EPN1: variants seen among roughly 807,000 people sequenced by gnomAD.
The protein encoded by EPN1 is epsin-1.
Under a neutral mutation model 56.9 loss-of-function variants are expected in EPN1, and 25 were observed. The observed-to-expected ratio is 0.44, with a 90% CI of 0.32 to 0.61. The LOEUF (loss-of-function observed/expected upper bound fraction) is 0.61, where lower values mean the gene tolerates loss of function less well. Ranked by LOEUF, EPN1 falls within the 20% of genes least tolerant of loss-of-function variation. EPN1 has a pLI of 0.05. For missense variants in EPN1, 785 were observed against 823.7 expected (o/e 0.95, Z 0.58); for synonymous variants, 411 against 361.8 (o/e 1.14, Z -1.54).
chr19:55,691,685 C>T lies in EPN1; in HGVS notation c.763-69C>T. On this transcript the variant is annotated intron_variant, in intron 6 of 10. Transcript: ENST00000270460. This position sits in a 1 kb window ranked among gnomAD's most constrained non-coding sequence, Gnocchi z 5.6. ...CCTGGCCGCCTCCCCCGCCACGGGC[C>T]CCAGCTTGGTCCCTGTCCCAGGCTT... 1 of 1,473,460 alleles carries T rather than the reference C, an allele frequency of 6.8e-7. No individual in the cohort carries two copies. 91.3% of individuals were successfully genotyped at this position (1,473,460 alleles called of 1,614,324 possible).
chr19:55,677,403 C>A (rs1045032663), intron 1 of EPN1: 14 of 653,262 alleles, frequency 2.1e-5, no homozygotes, highest in Non-Finnish European at 3.5e-5. Context: ...TTGCTTGACT[C>A]TCTTGTTTCT....
In EPN1 at chr19:55,707,435, G is replaced by A. The variant is rs1307529194; in HGVS notation, c.*12079G>A. ...GTCAGGGGTATGTTCTCCATGTTGAGCCCCTTCTGTGGAATATGACAGTGT... is the reference window on the plus strand; with the variant it reads ...GTCAGGGGTATGTTCTCCATGTTGAACCCCTTCTGTGGAATATGACAGTGT... On this transcript the variant is annotated 3_prime_UTR_variant, in exon 11 of 11. Coordinates refer to ENST00000270460, the MANE Select transcript of EPN1 (RefSeq NM_001130072.2). The A allele has an allele frequency of 6.6e-6, 1 of 152,438 alleles. No individual in the cohort carries two copies. Among genetic ancestry groups the A allele is most frequent in the East Asian group, 1.9e-4 (1 of 5,196 alleles). 9.4% of individuals were successfully genotyped at this position (152,438 alleles called of 1,614,324 possible).
In EPN1 at chr19:55,689,068, G is replaced by C; in HGVS notation, c.603+74G>C. ...CTCACTTCAGGCTCCCTCCCAGCCA[G>C]GCGTGGGCCTGGCCCTCACTGTCGC... is the stretch of plus-strand genomic sequence containing the variant. On this transcript the variant is annotated intron_variant, in intron 4 of 10. Coordinates refer to ENST00000270460, the MANE Select transcript of EPN1 (RefSeq NM_001130072.2). The surrounding 1 kb of genome is among the most constrained non-coding windows in gnomAD (Gnocchi z 5.7). 1.3e-6 allele frequency: 2 copies of C among 1,493,088 alleles called. No individual in the cohort carries two copies. Among genetic ancestry groups the C allele is most frequent in the South Asian group, 1.3e-5 (1 of 75,570 alleles). The allele number at this position is 1,493,088 out of a possible 1,614,324, so 92.5% of individuals were successfully genotyped here.
rs202183851 is a variant in EPN1, at chr19:55,706,274, TTTC to T, written c.*10927_*10929del. 2.5e-3 allele frequency: 315 copies of T among 125,256 alleles called. 2 individuals carry two copies. The highest frequency in any genetic ancestry group is 0.017 in the Middle Eastern group (5 of 288). 7.8% of individuals were successfully genotyped at this position (125,256 alleles called of 1,614,324 possible). ...TCCTCTTTTCTTCCTTTCTTCTCTT[TTTC>T]TTCTTCTTTTTTTTTTTTTTTTAAA... On this transcript the variant is annotated 3_prime_UTR_variant, in exon 11 of 11. Transcript: ENST00000270460.
chr19:55,688,580 CAG>C (rs1035387144), intron 3 of EPN1, among the ~76,000 whole-genome samples: 12 of 152,254 alleles, frequency 7.9e-5, no homozygotes, highest in Admixed American at 3.3e-4. Context: ...TGGCAGGGCT[CAG>C]AGGTTGCTGG....
chr19:55,685,189 G>A (rs750840150), intron 2 of EPN1, among the ~76,000 whole-genome samples: 1 of 152,274 alleles, frequency 6.6e-6, no homozygotes, highest in Non-Finnish European at 1.5e-5. Flanking sequence ...TACCTCCGCG[G>A]CTGGTCCCCG....
rs377227740 is a variant in EPN1 at position 55,708,889 on chromosome 19, C to T, written c.*13533C>T. On this transcript the variant is annotated 3_prime_UTR_variant, in exon 11 of 11. Transcript: ENST00000270460. Reference sequence around the variant, plus strand: ...GTGGCCAAGGAAAGCCTTTGTGAGACGACTACTTCAGGGTGTTCCCCATCA... The same window carrying T: ...GTGGCCAAGGAAAGCCTTTGTGAGATGACTACTTCAGGGTGTTCCCCATCA... The T allele has an allele frequency of 1.0e-4, 155 of 1,499,630 alleles. 1 individual carries two copies. Among genetic ancestry groups the T allele is most frequent in the African/African-American group, 1.2e-4 (8 of 68,828 alleles). 92.9% of individuals were successfully genotyped at this position (1,499,630 alleles called of 1,614,324 possible).
In EPN1 at chr19:55,685,643, C is replaced by T. The variant is rs202152406; in HGVS notation, c.476C>T (p.Thr159Met). The T allele has an allele frequency of 7.0e-4, 1,116 of 1,593,256 alleles. 1 individual carries two copies. Among genetic ancestry groups the T allele is most frequent in the Non-Finnish European group, 9.2e-4 (1,076 of 1,172,096 alleles). ...AAGGAAAAGCTGGCACAGACCGCCA[C>T]GGGTGAGTCCCTCCCTGCGGCCCCT... ...KTKEKLAQTATASSAAVGSGP... is the reference protein window; with the variant it reads ...KTKEKLAQTAMASSAAVGSGP... Residue 159 changes from threonine to methionine, a missense_variant and splice_region_variant, in exon 3 of 11, where the codon ACG (threonine) becomes ATG (methionine). This residue lies in a region of EPN1 where 650 missense variants were observed against 605.0 expected (regional missense o/e 1.07). Transcript: ENST00000270460.
intron 2 of EPN1, 65 bp from the exon 3 acceptor site, chr19:55,685,331 G>A (rs757911893): frequency 2.0e-5 from 31 of 1,557,800 alleles, no homozygotes; most frequent in African/African-American, 4.1e-5. Context: ...AGCCCGCGTC[G>A]CAGGCAGTCT....
rs1987273120 is a variant in EPN1, at chr19:55,704,024, A to C, written c.*8668A>C. 2 of 152,156 alleles carry C rather than the reference A, an allele frequency of 1.3e-5. No homozygotes were observed. Among genetic ancestry groups the C allele is most frequent in the Non-Finnish European group, 2.9e-5 (2 of 68,014 alleles). 9.4% of individuals were successfully genotyped at this position (152,156 alleles called of 1,614,324 possible). On this transcript the variant is annotated 3_prime_UTR_variant, in exon 11 of 11. Coordinates refer to ENST00000270460, the MANE Select transcript of EPN1 (RefSeq NM_001130072.2). ...CAACCGAGGTATTCAGTCCCTCGGA[A>C]ACCCAGTTCCTCCGTTTCCAGGCTT...
Position 55,692,125 on chromosome 19 carries a change from C to G in EPN1, c.1066+68C>G, listed in dbSNP as rs982744616. The G allele has an allele frequency of 1.6e-5, 22 of 1,358,812 alleles. No homozygotes were observed. The South Asian group carries it at 3.4e-4, about 21-fold the overall frequency. 84.2% of individuals were successfully genotyped at this position (1,358,812 alleles called of 1,614,324 possible). A position where few individuals can be genotyped will look rare whatever the true frequency, so the allele number is the denominator to read the frequency against. ...GCACCTGTCTTTGGTTGACTGTGCCCTTGGACAGGGACAGATCGAGCCAGT... is the reference window on the plus strand; with the variant it reads ...GCACCTGTCTTTGGTTGACTGTGCCGTTGGACAGGGACAGATCGAGCCAGT... On this transcript the variant is annotated intron_variant, in intron 7 of 10. Coordinates refer to ENST00000270460, the MANE Select transcript of EPN1 (RefSeq NM_001130072.2).
chr19:55,695,701 C>A lies in EPN1; in HGVS notation c.*345C>A. Reference sequence around the variant, plus strand: ...CCCCTCACGCACCCGCTCACGCACCCTCGGTGAATCCTTGGTGATGATTTT... The same window carrying A: ...CCCCTCACGCACCCGCTCACGCACCATCGGTGAATCCTTGGTGATGATTTT... On this transcript the variant is annotated 3_prime_UTR_variant, in exon 11 of 11. Transcript: ENST00000270460. This position sits in a 1 kb window ranked among gnomAD's most constrained non-coding sequence, Gnocchi z 4.4. The A allele has an allele frequency of 3.4e-6, 1 of 289,994 alleles. No individual in the cohort carries two copies. The highest frequency in any genetic ancestry group is 2.2e-5 in the African/African-American group (1 of 46,056). The allele number at this position is 289,994 out of a possible 1,614,324, so 18.0% of individuals were successfully genotyped here.
At chr19:55,677,030 C>A in intron 1 of EPN1, 2 of 1,349,264 alleles carry the variant, frequency 1.5e-6, no homozygotes, top group Admixed American at 2.4e-5. Context: ...TTTTAACTAG[C>A]TACATCTGTC....
At position 55,707,265 on chromosome 19, in the gene EPN1, CCAGG is replaced by C. The variant is rs1987468811; in HGVS notation, c.*11910_*11913del. The stretch of plus-strand genomic sequence containing the variant: ...GCTGAGGCAGGAGCATCACTTGAAC[CCAGG>C]AGTTCAAGGCTGCAGTGAGCTATGA... On this transcript the variant is annotated 3_prime_UTR_variant, in exon 11 of 11. Transcript: ENST00000270460. 3 of 152,240 alleles carry C rather than the reference CCAGG, an allele frequency of 2.0e-5. No individual in the cohort carries two copies. The South Asian group carries it at 6.2e-4, about 32-fold the overall frequency. The allele number at this position is 152,240 out of a possible 1,614,324, so 9.4% of individuals were successfully genotyped here.
rs987421594 is a variant in EPN1, at chr19:55,695,572, C to A, written c.*216C>A. 3.9e-5 allele frequency: 21 copies of A among 545,218 alleles called. No homozygotes were observed. The highest frequency in any genetic ancestry group is 3.6e-5 in the Non-Finnish European group (11 of 308,682). 33.8% of individuals were successfully genotyped at this position (545,218 alleles called of 1,614,324 possible). A position where few individuals can be genotyped will look rare whatever the true frequency, so the allele number is the denominator to read the frequency against. On this transcript the variant is annotated 3_prime_UTR_variant, in exon 11 of 11. Transcript: ENST00000270460. The surrounding 1 kb of genome is among the most constrained non-coding windows in gnomAD (Gnocchi z 4.4). ...GGGAGGGGAGCTGGCCAGAGGAGGACCCCTTTCCCGTGGCATTAGAAGGGG... is the reference window on the plus strand; with the variant it reads ...GGGAGGGGAGCTGGCCAGAGGAGGAACCCTTTCCCGTGGCATTAGAAGGGG...
chr19:55,682,494 C>T (rs1985880880), intron 2 of EPN1, among the ~76,000 whole-genome samples: 1 of 152,082 alleles, frequency 6.6e-6, no homozygotes, highest in South Asian at 2.1e-4. Flanking sequence ...TCTCGGCTCA[C>T]TGTAGCCTCT....
chr19:55,690,113 C>T (rs909667214), intron 6 of EPN1, among the ~76,000 whole-genome samples, 163 bp downstream of exon 6: 4 of 152,248 alleles, frequency 2.6e-5, no homozygotes, highest in Non-Finnish European at 5.9e-5. Flanking sequence ...CCTCTCCCTC[C>T]CTGCTGGGCT....
At position 55,698,402 on chromosome 19, in the gene EPN1, C is replaced by G. The variant is rs1986993609; in HGVS notation, c.*3046C>G. 1 of 152,158 alleles carries G rather than the reference C, an allele frequency of 6.6e-6. No individual in the cohort carries two copies. 9.4% of individuals were successfully genotyped at this position (152,158 alleles called of 1,614,324 possible). A position where few individuals can be genotyped will look rare whatever the true frequency, so the allele number is the denominator to read the frequency against. On this transcript the variant is annotated 3_prime_UTR_variant, in exon 11 of 11. Coordinates refer to ENST00000270460, the MANE Select transcript of EPN1 (RefSeq NM_001130072.2). ...CCTGGGTCTCGACTCTGTTCAGGGC[C>G]TAGGGGTTGGGTGGGGAAGGCACTT...
rs370338102 is a variant in EPN1, at chr19:55,685,488, G to A, written c.321G>A (p.Lys107=). The A allele has an allele frequency of 3.1e-6, 5 of 1,612,588 alleles. No individual in the cohort carries two copies. In the African/African-American group the frequency reaches 6.7e-5, roughly 22 times the overall value. Residue 107 remains lysine, a synonymous_variant, in exon 3 of 11, where the codon AAG becomes AAA. Coordinates refer to ENST00000270460, the MANE Select transcript of EPN1 (RefSeq NM_001130072.2). ...ACATGTACGCCGTGCAGACGCTGAA[G>A]GACTTCCAGTACGTGGACCGCGACG... ...KENMYAVQTL[K]DFQYVDRDGK...
Sources: gnomAD v4.1 joint callset for allele counts (sites outside exome capture counted in the v4.1 genomes callset) on GRCh38, gnomAD v4.1.1 for gene constraint, gnomAD v4.1.1 regional missense constraint, Gnocchi (gnomAD v3.1) non-coding constraint, MANE v1.5 for transcripts, NCBI Gene and HGNC (gene_info 2026-07-23, HGNC 2026-07-21) for gene names.